The following TTC6 variants were observed in gnomAD, a reference collection of about 807,000 sequenced individuals.
The protein encoded by TTC6 is tetratricopeptide repeat protein 6.
TTC6 carries 172 observed loss-of-function variants against 210.4 expected under a neutral mutation model. The ratio of observed to expected loss-of-function variants is 0.82; its 90% CI spans 0.72 to 0.93. TTC6 has a LOEUF of 0.93. Among genes scored for constraint, TTC6 ranks in the 40% least tolerant of loss-of-function variants. The pLI, the probability that TTC6 is intolerant of heterozygous loss-of-function variation, is 0.00. For missense variants in TTC6, 2,414 were observed against 2,318.1 expected (o/e 1.04, Z -0.85); for synonymous variants, 804 against 819.6 (o/e 0.98, Z 0.32).
chr14:37,808,688 C>A, intron 23 of TTC6, 45 bp from the exon 26 acceptor site: 1 of 930,978 alleles, frequency 1.1e-6, no homozygotes, highest in South Asian at 1.6e-5. Flanking sequence ...AAATTTCAGT[C>A]CATTATGATT....
chr14:37,688,802 A>G (rs554299924), intron 3 of TTC6, among the ~76,000 whole-genome samples: 1 of 152,160 alleles, frequency 6.6e-6, no homozygotes, highest in Admixed American at 6.5e-5. Flanking sequence ...ACAACACCCA[A>G]CTCCTTTTGA....
intron 3 of TTC6, among the ~76,000 whole-genome samples, chr14:37,695,235 G>A (rs1365764527): frequency 6.6e-6 from 1 of 152,032 alleles, no homozygotes; most frequent in South Asian, 2.1e-4. Context: ...GTTACCAGAG[G>A]CTGGGAAGAG....
chr14:37,773,284 G>A (rs1487906218), intron 14 of TTC6, among the ~76,000 whole-genome samples: 1 of 152,132 alleles, frequency 6.6e-6, no homozygotes, highest in Admixed American at 6.5e-5. Context: ...GGTCCCATTT[G>A]TCAACTTTGT....
chr14:37,808,548 C>T (rs1171788853), intron 23 of TTC6, among the ~76,000 whole-genome samples, 185 bp from the exon 26 acceptor site: 1 of 152,028 alleles, frequency 6.6e-6, no homozygotes, highest in African/African-American at 2.4e-5. Context: ...ATGATAATTT[C>T]TACCAGGAGA....
At chr14:37,781,976 A>T (rs751729423) in intron 14 of TTC6, among the ~76,000 whole-genome samples, 9 of 152,172 alleles carry the variant, frequency 5.9e-5, no homozygotes, top group Non-Finnish European at 4.4e-5. Context: ...GTTCTGTTTC[A>T]TTGGTCTATA....
chr14:37,738,665 A>G, intron 9 of TTC6, 111 bp from the exon 12 acceptor site: 1 of 958,224 alleles, frequency 1.0e-6, no homozygotes, highest in East Asian at 2.9e-5. Context: ...AAACTTTTAA[A>G]TTAAGTGACC....
At chr14:37,818,033 T>C (rs2096146390) in intron 26 of TTC6, among the ~76,000 whole-genome samples, 1 of 152,208 alleles carries the variant, frequency 6.6e-6, no homozygotes, top group Admixed American at 6.6e-5. Context: ...AAAGTGGGAC[T>C]ATTATAAAGT....
At chr14:37,603,229 C>A (rs1374955665) in intron 1 of TTC6, among the ~76,000 whole-genome samples, 1 of 152,202 alleles carries the variant, frequency 6.6e-6, no homozygotes, top group Non-Finnish European at 1.5e-5. Flanking sequence ...TGCTAGGGAA[C>A]CCAGCCAGGC....
At chr14:37,802,793 C>T (rs1356865108) in intron 20 of TTC6, among the ~76,000 whole-genome samples, 8 of 150,340 alleles carry the variant, frequency 5.3e-5, no homozygotes, top group African/African-American at 1.7e-4. Context: ...AGTGCAGTGG[C>T]GCAATCTCAG....
At chr14:37,625,540 C>G (rs1413696011) in intron 1 of TTC6, among the ~76,000 whole-genome samples, 1 of 134,384 alleles carries the variant, frequency 7.4e-6, no homozygotes, top group African/African-American at 2.6e-5. Flanking sequence ...AAGAGCGAGA[C>G]TTCGTCTAAA....
At chr14:37,632,755 T>C (rs894362191) in intron 1 of TTC6, among the ~76,000 whole-genome samples, 1 of 152,210 alleles carries the variant, frequency 6.6e-6, no homozygotes, top group Non-Finnish European at 1.5e-5. Context: ...CCCAGAGAGA[T>C]GGGAGTTTTA....
intron 1 of TTC6, among the ~76,000 whole-genome samples, chr14:37,602,458 A>T (rs1374854237): frequency 6.6e-6 from 1 of 152,070 alleles, no homozygotes; most frequent in Non-Finnish European, 1.5e-5. Flanking sequence ...TTTCATCCTT[A>T]AATTTTATTT....
At chr14:37,830,397 A>G (rs1284828419) in intron 29 of TTC6, among the ~76,000 whole-genome samples, 4 of 152,024 alleles carry the variant, frequency 2.6e-5, no homozygotes, top group Admixed American at 6.6e-5. Flanking sequence ...TGTTGAATTC[A>G]GTTAACATTT....
chr14:37,842,214 A>G (rs750488968), exon 31 of TTC6: 2 of 1,609,624 alleles, frequency 1.2e-6, no homozygotes, highest in South Asian at 2.2e-5. Context: ...AGTTCGTGGT[A>G]AAATAGGTCT....
At chr14:37,632,242 C>T (rs970269557) in intron 1 of TTC6, among the ~76,000 whole-genome samples, 3 of 152,150 alleles carry the variant, frequency 2.0e-5, no homozygotes, top group South Asian at 2.1e-4. Flanking sequence ...TTTTCCTCAT[C>T]TTCTTGGATT....
intron 1 of TTC6, among the ~76,000 whole-genome samples, chr14:37,638,878 A>G (rs533515000): frequency 6.6e-5 from 10 of 152,316 alleles, no homozygotes; most frequent in African/African-American, 2.4e-4. Context: ...CTGTTTTTAT[A>G]AGAAGATACA....
chr14:37,735,590 C>T (rs936992662), intron 7 of TTC6, among the ~76,000 whole-genome samples: 1 of 152,010 alleles, frequency 6.6e-6, no homozygotes, highest in African/African-American at 2.4e-5. Context: ...GTTCATAATC[C>T]TGATATTAAT....
chr14:37,632,252 T>A (rs750108437), intron 1 of TTC6, among the ~76,000 whole-genome samples: 6 of 152,238 alleles, frequency 3.9e-5, no homozygotes, highest in Non-Finnish European at 8.8e-5. Flanking sequence ...CTTCTTGGAT[T>A]TATCTACCTT....
intron 29 of TTC6, chr14:37,827,912 A>G (rs1397493996): frequency 1.3e-5 from 2 of 152,332 alleles, no homozygotes; most frequent in Non-Finnish European, 2.9e-5. Flanking sequence ...CATCCAGTAA[A>G]CATCCTTTTG....
Sources: gnomAD v4.1 joint callset for allele counts (sites outside exome capture counted in the v4.1 genomes callset) on GRCh38, gnomAD v4.1.1 for gene constraint, MANE v1.5 for transcripts, NCBI Gene and HGNC (gene_info 2026-07-23, HGNC 2026-07-21) for gene names.